DLG2: variants seen among roughly 807,000 people sequenced by gnomAD.
The protein encoded by DLG2 is discs large MAGUK scaffold protein 2.
DLG2 carries 45 observed loss-of-function variants against 132.5 expected under a neutral mutation model. The observed-to-expected ratio is 0.34, with a 90% confidence interval of 0.27 to 0.44. The LOEUF (loss-of-function observed/expected upper bound fraction) is 0.44, where lower values mean the gene tolerates loss of function less well. Ranked by LOEUF, DLG2 falls within the 20% of genes least tolerant of loss-of-function variation. The pLI is 1.00. For synonymous variants in DLG2, 424 were observed against 419.6 expected, an observed-to-expected ratio of 1.01 and a Z score of -0.13; for missense variants, 1,045 against 1,196.9, an observed-to-expected ratio of 0.87 and a Z score of 1.87.
chr11:83,967,498 C>G (rs2090464154), intron 12 of DLG2, among the ~76,000 whole-genome samples: 1 of 152,028 alleles, frequency 6.6e-6, no homozygotes. Context: ...ATATTAAGCA[C>G]CTTTTTGCAT....
At chr11:83,550,993 G>A (rs1340039389) in intron 19 of DLG2, among the ~76,000 whole-genome samples, 1 of 152,116 alleles carries the variant, frequency 6.6e-6, no homozygotes, top group Non-Finnish European at 1.5e-5. Context: ...AAACATTTAA[G>A]TTTATATATG....
chr11:85,573,235 T>C (rs1317576616), intron 3 of DLG2, among the ~76,000 whole-genome samples: 1 of 152,182 alleles, frequency 6.6e-6, no homozygotes, highest in Non-Finnish European at 1.5e-5. Context: ...CAGGTATTTG[T>C]TTATAGCAAT....
intron 19 of DLG2, among the ~76,000 whole-genome samples, chr11:83,597,624 C>CA (rs35302376): frequency 0.4 from 59,675 of 148,550 alleles, 12,045 homozygotes; most frequent in Admixed American, 0.49. Context: ...ATCTCTACCC[C>CA]AAAAAAAAAA....
chr11:84,166,045 A>C (rs2095654583), intron 8 of DLG2, among the ~76,000 whole-genome samples: 1 of 152,206 alleles, frequency 6.6e-6, no homozygotes, highest in African/African-American at 2.4e-5. Flanking sequence ...TAGAGCACGG[A>C]ATCACAGGAG....
intron 18 of DLG2, among the ~76,000 whole-genome samples, chr11:83,753,847 ATATATCATATATATATTTCATATATAT>A (rs1457726176): frequency 8.9e-5 from 1 of 11,248 alleles, no homozygotes; most frequent in Non-Finnish European, 1.4e-4. Context: ...TATATATCAT[ATATATCATATATATATTTCATATATAT>A]GATATATATC....
At chr11:85,242,207 GT>G (rs2075915651) in intron 4 of DLG2, among the ~76,000 whole-genome samples, 1 of 151,930 alleles carries the variant, frequency 6.6e-6, no homozygotes, top group Non-Finnish European at 1.5e-5. Flanking sequence ...AAACTTGAAA[GT>G]GTTAAACCAT....
At chr11:85,142,409 G>C (rs960636105) in intron 5 of DLG2, among the ~76,000 whole-genome samples, 7 of 151,464 alleles carry the variant, frequency 4.6e-5, no homozygotes, top group African/African-American at 1.7e-4. Flanking sequence ...TGTTGATTTT[G>C]TATCCTGCAA....
chr11:84,364,828 T>C (rs1455157481), intron 7 of DLG2, among the ~76,000 whole-genome samples: 2 of 152,234 alleles, frequency 1.3e-5, no homozygotes, highest in Non-Finnish European at 2.9e-5. Context: ...GATTTGTGTA[T>C]ATTGAAGGAG....
At chr11:83,511,827 T>TA (rs1338616546) in intron 21 of DLG2, among the ~76,000 whole-genome samples, 3 of 151,636 alleles carry the variant, frequency 2.0e-5, no homozygotes, top group Non-Finnish European at 4.4e-5. Flanking sequence ...GCCTCCCAAG[T>TA]AGCTGCGACT....
intron 6 of DLG2, among the ~76,000 whole-genome samples, chr11:84,950,797 T>C (rs2050817504): frequency 6.6e-6 from 1 of 152,016 alleles, no homozygotes. Context: ...TGAGTATATA[T>C]GTACACATAT....
At chr11:84,834,521 C>T (rs909782651) in intron 6 of DLG2, among the ~76,000 whole-genome samples, 1 of 151,250 alleles carries the variant, frequency 6.6e-6, no homozygotes, top group African/African-American at 2.4e-5. Context: ...ACAACTGAAC[C>T]TATTAGGCAG....
chr11:85,195,569 G>A, intron 4 of DLG2, among the ~76,000 whole-genome samples: 1 of 150,928 alleles, frequency 6.6e-6, no homozygotes, highest in African/African-American at 2.4e-5. Flanking sequence ...TGTGGCCCAG[G>A]CGGGAGTGCA....
intron 6 of DLG2, among the ~76,000 whole-genome samples, chr11:84,862,065 C>A (rs867238080): frequency 6.6e-6 from 1 of 150,800 alleles, no homozygotes; most frequent in Non-Finnish European, 1.5e-5. Context: ...AGGGATAGCA[C>A]TGGGAGATAT....
At position 84,410,241 on chromosome 11, in the gene DLG2, A is replaced by G. The variant is rs112752982; in HGVS notation, c.519+124329T>C. On this transcript the variant is annotated intron_variant, in intron 7 of 27. Transcript: ENST00000376104. ...TCATGCCAAGTGGCTCAGAGTGATT[A>G]AATGACACTCCAAGTCACATACCTG... 8.5e-5 allele frequency among the ~76,000 whole-genome samples: 13 copies of G among 152,318 alleles called. 1 individual carries two copies. The highest frequency in any genetic ancestry group is 3.1e-4 in the African/African-American group (13 of 41,584).
At chr11:83,989,313 C>A (rs2093565727) in intron 11 of DLG2, among the ~76,000 whole-genome samples, 1 of 152,078 alleles carries the variant, frequency 6.6e-6, no homozygotes, top group Non-Finnish European at 1.5e-5. Context: ...ATTCTTTCGT[C>A]TTATAACTAT....
At chr11:85,124,654 C>T (rs1014087706) in intron 5 of DLG2, among the ~76,000 whole-genome samples, 41 of 152,166 alleles carry the variant, frequency 2.7e-4, no homozygotes, top group South Asian at 2.1e-4. Context: ...GTGAAACATA[C>T]ATACATGCAA....
chr11:84,730,568 A>C (rs947430781), intron 6 of DLG2, among the ~76,000 whole-genome samples: 1 of 151,994 alleles, frequency 6.6e-6, no homozygotes, highest in Non-Finnish European at 1.5e-5. Context: ...GATCATTGTC[A>C]AAAAAATATA....
chr11:84,930,081 A>G (rs192313138), intron 6 of DLG2, among the ~76,000 whole-genome samples: 14 of 152,244 alleles, frequency 9.2e-5, no homozygotes, highest in African/African-American at 2.9e-4. Flanking sequence ...ACATATCTTA[A>G]CCAATAAAGA....
At chr11:85,436,849 A>G (rs1341802651) in intron 3 of DLG2, among the ~76,000 whole-genome samples, 1 of 152,230 alleles carries the variant, frequency 6.6e-6, no homozygotes, top group Non-Finnish European at 1.5e-5. Context: ...AAATACATGC[A>G]CATATGTTTG....
Sources: allele counts gnomAD v4.1 joint callset (sites outside exome capture counted in the v4.1 genomes callset), GRCh38; gene constraint gnomAD v4.1.1; transcripts MANE v1.5; gene names NCBI Gene and HGNC (gene_info 2026-07-23, HGNC 2026-07-21).